RHBDD1: variants seen among roughly 807,000 people sequenced by gnomAD.
RHBDD1 encodes rhomboid domain containing 1.
A neutral mutation model predicts 36.3 loss-of-function variants in RHBDD1; 38 were observed. The ratio of observed to expected loss-of-function variants is 1.05; its 90% CI spans 0.81 to 1.37. The LOEUF is 1.37. RHBDD1 is among the 40% of genes most tolerant of loss of function. The pLI is 0.00. For missense variants in RHBDD1, 393 were observed against 377.6 expected (o/e 1.04, Z -0.34); for synonymous variants, 151 against 136.5 (o/e 1.11, Z -0.74).
chr2:226,803,898 G>A, the RHBDD1 span: 1 of 152,164 alleles, frequency 6.6e-6, no homozygotes, highest in Admixed American at 6.5e-5. Context: ...TGCAGGTTCT[G>A]GTTAAATGCA....
At chr2:226,854,361 G>A (rs1031556184) in intron 3 of RHBDD1, among the ~76,000 whole-genome samples, 4 of 152,052 alleles carry the variant, frequency 2.6e-5, no homozygotes, top group Admixed American at 2.0e-4. Context: ...AGGAGGCTGA[G>A]GCAGGCGGAT....
At chr2:226,839,330 G>A (rs943596085) in intron 2 of RHBDD1, 79 bp from the exon 3 acceptor site, 30 of 152,056 alleles carry the variant, frequency 2.0e-4, no homozygotes, top group African/African-American at 7.2e-4. Context: ...AAACGGAAGC[G>A]ATTCTTTAAA....
At chr2:226,928,789 A>G (rs1949832854) in intron 8 of RHBDD1, among the ~76,000 whole-genome samples, 1 of 152,038 alleles carries the variant, frequency 6.6e-6, no homozygotes. Flanking sequence ...GAGAAGATTC[A>G]AATAAGCTGA....
chr2:226,960,654 A>G (rs1320081424), intron 8 of RHBDD1, among the ~76,000 whole-genome samples: 1 of 152,242 alleles, frequency 6.6e-6, no homozygotes, highest in Non-Finnish European at 1.5e-5. Context: ...TTAGATGTCT[A>G]ATTCTGTAAA....
At chr2:226,809,700 T>C in the RHBDD1 span, among the ~76,000 whole-genome samples, 1 of 152,178 alleles carries the variant, frequency 6.6e-6, no homozygotes, top group African/African-American at 2.4e-5. Flanking sequence ...TTAAACCAAA[T>C]ATTTTAAAAT....
chr2:226,878,720 C>T (rs1945446426), intron 5 of RHBDD1, among the ~76,000 whole-genome samples: 1 of 152,176 alleles, frequency 6.6e-6, no homozygotes, highest in Admixed American at 6.5e-5. Flanking sequence ...CCGTGTGCTC[C>T]TTCTGAATTC....
intron 5 of RHBDD1, among the ~76,000 whole-genome samples, chr2:226,903,458 G>T (rs1330833244): frequency 6.6e-6 from 1 of 152,076 alleles, no homozygotes; most frequent in Non-Finnish European, 1.5e-5. Flanking sequence ...GATGAGAAAA[G>T]CATAGTATAT....
intron 8 of RHBDD1, among the ~76,000 whole-genome samples, chr2:226,970,784 G>A (rs1000760477): frequency 2.6e-5 from 4 of 152,150 alleles, no homozygotes; most frequent in African/African-American, 4.8e-5. Flanking sequence ...TGAGGCTCAG[G>A]GATGCGACTT....
At chr2:226,863,898 C>G (rs1158060502) in intron 3 of RHBDD1, among the ~76,000 whole-genome samples, 2 of 152,148 alleles carry the variant, frequency 1.3e-5, no homozygotes, top group East Asian at 3.9e-4. Flanking sequence ...AGATCACCAC[C>G]TCAGGCTGTG....
the RHBDD1 span, among the ~76,000 whole-genome samples, chr2:226,800,386 C>G: frequency 6.6e-6 from 1 of 152,170 alleles, no homozygotes; most frequent in Non-Finnish European, 1.5e-5. Flanking sequence ...TTGGGATCCC[C>G]AGATTTGCTG....
At chr2:226,809,706 A>T in the RHBDD1 span, among the ~76,000 whole-genome samples, 4 of 152,214 alleles carry the variant, frequency 2.6e-5, no homozygotes, top group African/African-American at 9.6e-5. Flanking sequence ...CAAATATTTT[A>T]AAATATTTTA....
intron 5 of RHBDD1, among the ~76,000 whole-genome samples, chr2:226,877,402 G>A (rs1392997157): frequency 6.6e-6 from 1 of 151,984 alleles, no homozygotes; most frequent in Non-Finnish European, 1.5e-5. Context: ...TTAAGTATTG[G>A]GAAGCTGTCA....
chr2:226,917,295 G>A (rs1019361983), intron 8 of RHBDD1, among the ~76,000 whole-genome samples: 6 of 151,664 alleles, frequency 4.0e-5, no homozygotes, highest in East Asian at 1.9e-4. Context: ...AAAATAACTC[G>A]AGAGTATACT....
chr2:226,840,902 A>G (rs1941542089), intron 3 of RHBDD1, among the ~76,000 whole-genome samples: 1 of 151,866 alleles, frequency 6.6e-6, no homozygotes, highest in Admixed American at 6.6e-5. Context: ...TTTCTTAAGT[A>G]AAAAGTCTCT....
chr2:226,987,608 G>A (rs1202843662), intron 8 of RHBDD1, among the ~76,000 whole-genome samples: 3 of 152,208 alleles, frequency 2.0e-5, no homozygotes, highest in East Asian at 1.9e-4. Context: ...ATGGACACTC[G>A]AACCTCTGTG....
the RHBDD1 span, among the ~76,000 whole-genome samples, chr2:226,816,879 G>A: frequency 4.3e-5 from 6 of 139,620 alleles, no homozygotes; most frequent in South Asian, 7.3e-4. Context: ...TGGTGACAGC[G>A]CAAGACGCCA....
rs189850345 is a variant in RHBDD1 at position 226,997,135 on chromosome 2, T to G, written c.*1613T>G. On this transcript the variant is annotated 3_prime_UTR_variant, in exon 9 of 9. Transcript: ENST00000392062. ...AAACCACTGGAGCCTTGGGAGCTCTTTGGCCTCCTGGCTGGCCCAGTAATA... is the reference window on the plus strand; with the variant it reads ...AAACCACTGGAGCCTTGGGAGCTCTGTGGCCTCCTGGCTGGCCCAGTAATA... 6.6e-6 allele frequency: 1 copy of G among 152,346 alleles called. No homozygotes were observed. Among genetic ancestry groups the G allele is most frequent in the East Asian group, 1.9e-4 (1 of 5,194 alleles). 9.4% of individuals were successfully genotyped at this position (152,346 alleles called of 1,614,324 possible). A position where few individuals can be genotyped will look rare whatever the true frequency, so the allele number is the denominator to read the frequency against.
At chr2:226,816,606 T>C in the RHBDD1 span, among the ~76,000 whole-genome samples, 12 of 152,260 alleles carry the variant, frequency 7.9e-5, no homozygotes, top group East Asian at 1.5e-3. Context: ...ATATAAAACA[T>C]AGGTCTAGGC....
Position 226,843,712 on chromosome 2 carries a change from A to G in RHBDD1, c.-91+4085A>G, listed in dbSNP as rs149746851. Among the ~76,000 whole-genome samples, 49 of 152,238 alleles carry G rather than the reference A, an allele frequency of 3.2e-4. No individual in the cohort carries two copies. In the East Asian group the frequency reaches 8.9e-3, roughly 28 times the overall value. On this transcript the variant is annotated intron_variant, in intron 3 of 8. Coordinates refer to ENST00000392062, the MANE Select transcript of RHBDD1 (RefSeq NM_001167608.3). ...ATTTTTGCCTTGAGGTTCATCAAGG[A>G]TATTGGCCTGAATTTTTCTTTTTGT...
Sources: gnomAD v4.1 joint callset for allele counts (sites outside exome capture counted in the v4.1 genomes callset) on GRCh38, gnomAD v4.1.1 for gene constraint, MANE v1.5 for transcripts, NCBI Gene and HGNC (gene_info 2026-07-23, HGNC 2026-07-21) for gene names.